The following AP3D1 variants were observed in gnomAD, a reference collection of about 807,000 sequenced individuals.
AP3D1 encodes the protein AP-3 complex subunit delta-1.
Under a neutral mutation model 147.6 loss-of-function variants are expected in AP3D1, and 51 were observed. The observed-to-expected ratio is 0.35, with a 90% CI of 0.28 to 0.44. The LOEUF (loss-of-function observed/expected upper bound fraction) is 0.44, where lower values mean the gene tolerates loss of function less well. Ranked by LOEUF, AP3D1 falls within the 20% of genes least tolerant of loss-of-function variation. AP3D1 has a pLI of 1.00. For synonymous variants in AP3D1, 760 were observed against 663.0 expected, an observed-to-expected ratio of 1.15 and a Z score of -2.25; for missense variants, 1,421 against 1,624.2, an observed-to-expected ratio of 0.87 and a Z score of 2.15.
intron 25 of AP3D1, 34 bp from the exon 26 acceptor site, chr19:2,111,366 C>T (rs764087730): frequency 3.1e-6 from 5 of 1,613,126 alleles, no homozygotes; most frequent in Non-Finnish European, 4.2e-6. Flanking sequence ...GCCTTGGGGG[C>T]CCCGAGCTCC....
intron 4 of AP3D1, among the ~76,000 whole-genome samples, chr19:2,134,696 G>C (rs1002603164): frequency 3.3e-5 from 5 of 151,756 alleles, no homozygotes; most frequent in African/African-American, 9.7e-5. Flanking sequence ...CCGCCTCCTG[G>C]GTTCAAACAA....
chr19:2,123,319 G>A (rs767981667), intron 11 of AP3D1, 39 bp downstream of exon 11: 1 of 1,604,550 alleles, frequency 6.2e-7, no homozygotes, highest in Non-Finnish European at 8.5e-7. Context: ...ACAGAGCTGG[G>A]GACACGAAAA....
intron 2 of AP3D1, among the ~76,000 whole-genome samples, chr19:2,138,049 T>C (rs531232016): frequency 3.9e-5 from 6 of 152,304 alleles, no homozygotes; most frequent in South Asian, 4.1e-4. Context: ...ATGTCTGCAA[T>C]TGGTTAACTG....
At chr19:2,116,419 G>A (rs2145046096) in intron 17 of AP3D1, 141 bp from the exon 18 acceptor site, 1 of 1,220,204 alleles carries the variant, frequency 8.2e-7, no homozygotes, top group Non-Finnish European at 1.1e-6. Context: ...GGGAAACCAA[G>A]GCCCGCAATT....
At chr19:2,114,048 A>G in intron 22 of AP3D1, 77 bp downstream of exon 22, 2 of 1,490,642 alleles carry the variant, frequency 1.3e-6, no homozygotes, top group Non-Finnish European at 8.9e-7. Context: ...ATTTCCCCTG[A>G]GCTCACCGCT....
chr19:2,123,831 T>C lies in AP3D1; in HGVS notation c.905A>G (p.Gln302Arg). The change falls in exon 10 of 32, where the codon CAG (glutamine) becomes CGG (arginine). Residue 302 changes from glutamine to arginine, a missense_variant and splice_region_variant. This residue lies in a region of AP3D1 where 292 missense variants were observed against 412.0 expected (regional missense o/e 0.71). Coordinates refer to ENST00000643116, the MANE Select transcript of AP3D1 (RefSeq NM_001261826.3). ...GGCCCCGCCCAGTGCGGGACGTACC[T>C]GGATGCTGGCGCTGTGGTTGGGCAT... Reference protein sequence around the residue: ...SGMPNHSASIQLCVQKLRILI... With the variant: ...SGMPNHSASIRLCVQKLRILI... 1 of 1,573,286 alleles carries C rather than the reference T, an allele frequency of 6.4e-7. No individual in the cohort carries two copies. The highest frequency in any genetic ancestry group is 8.6e-7 in the Non-Finnish European group (1 of 1,159,520).
At chr19:2,159,506 G>A (rs376684413) in intron 1 of AP3D1, among the ~76,000 whole-genome samples, 27 of 146,198 alleles carry the variant, frequency 1.8e-4, no homozygotes, top group South Asian at 1.1e-3. Flanking sequence ...CTCCCGCCTC[G>A]GCCTCCCGAG....
intron 29 of AP3D1, 81 bp downstream of exon 29, chr19:2,109,792 G>A (rs1012953454): frequency 1.8e-5 from 24 of 1,358,152 alleles, no homozygotes; most frequent in South Asian, 2.3e-5. Flanking sequence ...AGAAGCCTCA[G>A]TCCCCGGGGC....
rs1374320425 is a variant in AP3D1 at position 2,115,287 on chromosome 19, G to C, written c.2281C>G (p.Pro761Ala). ...KKGKRRHSSLPTESDEDIAPA... is the reference protein window; with the variant it reads ...KKGKRRHSSLATESDEDIAPA... The stretch of plus-strand genomic sequence containing the variant: ...GCGATGTCCTCGTCGCTCTCCGTGG[G>C]CAGCGAGCTGTGGCGGCGCTTGCCC... The change falls in exon 20 of 32, where the codon CCC becomes GCC. Residue 761 changes from proline (P) to alanine (A), a missense_variant. By Grantham distance (27) the Pro-to-Ala change is conservative. This residue lies in a region of AP3D1 where 791 missense variants were observed against 761.4 expected (regional missense o/e 1.04). Transcript: ENST00000643116. 2 of 1,613,232 alleles carry C rather than the reference G, an allele frequency of 1.2e-6. No homozygotes were observed. The highest frequency in any genetic ancestry group is 1.7e-6 in the Non-Finnish European group (2 of 1,180,010).
At position 2,123,357 on chromosome 19, in the gene AP3D1, C is replaced by T; in HGVS notation, c.955+1G>A. 1 of 1,613,160 alleles carries T rather than the reference C, an allele frequency of 6.2e-7. No homozygotes were observed. Among genetic ancestry groups the T allele is most frequent in the Non-Finnish European group, 8.5e-7 (1 of 1,179,896 alleles). On this transcript the variant is annotated splice_donor_variant, in intron 11 of 31. Coordinates refer to ENST00000643116, the MANE Select transcript of AP3D1 (RefSeq NM_001261826.3). LOFTEE classifies it high-confidence loss of function. Reference sequence around the variant, plus strand: ...ACAGCACTGGGGAGGGGATGACTCACAGTTCTGATCGGAGTCCTCGATCAA... The same window carrying T: ...ACAGCACTGGGGAGGGGATGACTCATAGTTCTGATCGGAGTCCTCGATCAA...
chr19:2,111,895 G>C (rs899071701), intron 24 of AP3D1, 67 bp from the exon 25 acceptor site: 69 of 1,604,604 alleles, frequency 4.3e-5, no homozygotes, highest in Non-Finnish European at 5.4e-5. Flanking sequence ...ACAGTGTGAG[G>C]TCAGGATCAC....
At chr19:2,117,756 T>C (rs992768484) in intron 15 of AP3D1, among the ~76,000 whole-genome samples, 11 of 152,242 alleles carry the variant, frequency 7.2e-5, no homozygotes, top group South Asian at 4.1e-4. Flanking sequence ...CCAAGGATCA[T>C]GGCCAGCCCC....
intron 15 of AP3D1, 149 bp downstream of exon 15, chr19:2,118,452 C>G (rs1370753039): frequency 1.2e-6 from 1 of 807,712 alleles, no homozygotes; most frequent in Non-Finnish European, 1.9e-6. Flanking sequence ...TGACTAACCC[C>G]AAACCCCAGC....
At position 2,123,879 on chromosome 19, in the gene AP3D1, A is replaced by G; in HGVS notation, c.857T>C (p.Val286Ala). Reference protein sequence around the residue: ...LYECVNTVIAVLISLSSGMPN... With the variant: ...LYECVNTVIAALISLSSGMPN... ...CATGCCGGAGGACAGCGAGATGAGC[A>G]CTGCAACAGACAGCTTGGTCAGCAC... is the stretch of plus-strand genomic sequence containing the variant. Residue 286 changes from valine to alanine, a missense_variant and splice_region_variant, in exon 10 of 32, where the codon GTG (valine) becomes GCG (alanine). Val to Ala is a moderately conservative substitution (Grantham distance 64). This residue lies in a region of AP3D1 where 292 missense variants were observed against 412.0 expected (regional missense o/e 0.71). Coordinates refer to ENST00000643116, the MANE Select transcript of AP3D1 (RefSeq NM_001261826.3). 1 of 1,574,942 alleles carries G rather than the reference A, an allele frequency of 6.3e-7. No homozygotes were observed. The highest frequency in any genetic ancestry group is 8.6e-7 in the Non-Finnish European group (1 of 1,160,366).
chr19:2,147,166 GA>G (rs765830449), intron 1 of AP3D1, among the ~76,000 whole-genome samples: 4 of 152,102 alleles, frequency 2.6e-5, no homozygotes, highest in Non-Finnish European at 5.9e-5. Flanking sequence ...CCAACATGGA[GA>G]AACCCCGTCT....
At chr19:2,105,216 C>G (rs117138943) in intron 31 of AP3D1, among the ~76,000 whole-genome samples, 2 of 152,332 alleles carry the variant, frequency 1.3e-5, no homozygotes, top group East Asian at 3.9e-4. Context: ...GCAGCCCAGG[C>G]TGGGGAGGTG....
chr19:2,111,628 C>T (rs751766280), intron 25 of AP3D1, 51 bp downstream of exon 25: 26 of 1,536,320 alleles, frequency 1.7e-5, no homozygotes, highest in Non-Finnish European at 2.3e-5. Flanking sequence ...GAGCAGCGCA[C>T]AGCCCGCCAG....
chr19:2,137,695 A>C (rs1568302429), intron 3 of AP3D1, 32 bp downstream of exon 3: 1 of 1,597,104 alleles, frequency 6.3e-7, no homozygotes. Context: ...ATCACTCCCC[A>C]CCCCACCAGC....
intron 8 of AP3D1, among the ~76,000 whole-genome samples, chr19:2,127,911 T>C (rs1408854544): frequency 6.6e-6 from 1 of 152,170 alleles, no homozygotes; most frequent in East Asian, 1.9e-4. Flanking sequence ...ACCTGCAGCG[T>C]AGGGCCGCAG....
Sources: allele counts gnomAD v4.1 joint callset (sites outside exome capture counted in the v4.1 genomes callset), GRCh38; gene constraint gnomAD v4.1.1; regional missense constraint gnomAD v4.1.1; transcripts MANE v1.5; gene names NCBI Gene and HGNC (gene_info 2026-07-23, HGNC 2026-07-21).